SERGEF: variants seen among roughly 807,000 people sequenced by gnomAD.
SERGEF encodes the protein secretion regulating guanine nucleotide exchange factor.
In SERGEF, 51 loss-of-function variants were observed where a neutral mutation model predicts 50.0. The observed-to-expected ratio is 1.02, with a 90% confidence interval of 0.81 to 1.29. The LOEUF (loss-of-function observed/expected upper bound fraction) is 1.29, where lower values mean the gene tolerates loss of function less well. SERGEF is among the 50% of genes most tolerant of loss of function. The pLI is 0.00. For missense variants in SERGEF, 521 were observed against 557.0 expected (o/e 0.94, Z 0.65); for synonymous variants, 205 against 212.4 (o/e 0.97, Z 0.30).
intron 9 of SERGEF, among the ~76,000 whole-genome samples, chr11:17,903,550 G>A (rs1851785452): frequency 1.3e-5 from 2 of 152,214 alleles, no homozygotes; most frequent in African/African-American, 2.4e-5. Context: ...AAAAGCCTGA[G>A]ATGCAAACAA....
intron 10 of SERGEF, chr11:17,846,742 A>G (rs1400058500): frequency 2.2e-6 from 1 of 456,290 alleles, no homozygotes; most frequent in Admixed American, 2.3e-5. Context: ...TGGGATAATA[A>G]TACTTACCTT....
rs1268761967 is a variant in SERGEF, at chr11:18,006,685, T to G, written c.258A>C (p.Thr86=). The G allele has an allele frequency of 1.2e-6, 2 of 1,614,192 alleles. No homozygotes were observed. The highest frequency in any genetic ancestry group is 1.7e-6 in the Non-Finnish European group (2 of 1,180,026). The part of the protein sequence containing the change: ...NKDGQLGLGH[T]EDIPYFTPCK... ...AGGGGGTAAAATATGGGATATCCTC[T>G]GTGTGACCAAGCCCCAGTTGCCCAT... is the stretch of plus-strand genomic sequence containing the variant. The change falls in exon 3 of 11, where the codon ACA becomes ACC. Residue 86 remains threonine, a synonymous_variant. Coordinates refer to ENST00000265965, the MANE Select transcript of SERGEF (RefSeq NM_012139.4).
At chr11:17,826,928 A>G (rs1006330469) in intron 10 of SERGEF, among the ~76,000 whole-genome samples, 2 of 18,308 alleles carry the variant, frequency 1.1e-4, no homozygotes, top group African/African-American at 4.0e-4. Context: ...CCTGCAAGGC[A>G]TTCCTTGCTT....
chr11:17,859,230 T>A (rs1850882000), intron 10 of SERGEF, among the ~76,000 whole-genome samples: 1 of 152,070 alleles, frequency 6.6e-6, no homozygotes, highest in South Asian at 2.1e-4. Flanking sequence ...AACTCTATAA[T>A]TAATATCCAT....
At chr11:17,911,405 A>G (rs1851951362) in intron 9 of SERGEF, among the ~76,000 whole-genome samples, 1 of 148,480 alleles carries the variant, frequency 6.7e-6, no homozygotes, top group Non-Finnish European at 1.5e-5. Context: ...ATATATATAC[A>G]CACACACATA....
chr11:17,811,408 G>A (rs1193936397), intron 10 of SERGEF, among the ~76,000 whole-genome samples: 1 of 152,206 alleles, frequency 6.6e-6, no homozygotes, highest in Non-Finnish European at 1.5e-5. Context: ...TGATAGACTT[G>A]TGATGCAGGT....
Position 17,995,809 on chromosome 11 carries a change from T to C in SERGEF, c.609A>G (p.Pro203=), listed in dbSNP as rs1478631391. 1 of 1,612,202 alleles carries C rather than the reference T, an allele frequency of 6.2e-7. No homozygotes were observed. Among genetic ancestry groups the C allele is most frequent in the African/African-American group, 1.3e-5 (1 of 74,878 alleles). ...TLPLFFTAKE[P]SRVTGLENSK... is the part of the protein sequence containing the mutation. ...GAAGCATCTTACCTGTCACTCTGCT[T>C]GGTTCCTTTGCTGTGAAAAACAATG... Residue 203 remains proline (P), a synonymous_variant, in exon 6 of 11, where the codon CCA becomes CCG. Transcript: ENST00000265965.
At chr11:17,968,274 T>C (rs557715670) in intron 8 of SERGEF, among the ~76,000 whole-genome samples, 2 of 152,128 alleles carry the variant, frequency 1.3e-5, no homozygotes, top group South Asian at 2.1e-4. Context: ...AAAACAAAAC[T>C]AAGGAAAACA....
At chr11:17,994,764 G>T (rs1397198770) in intron 6 of SERGEF, among the ~76,000 whole-genome samples, 1 of 152,042 alleles carries the variant, frequency 6.6e-6, no homozygotes, top group Non-Finnish European at 1.5e-5. Context: ...ATGGGTTTCA[G>T]GGAAGCTAAG....
At position 17,860,300 on chromosome 11, in the gene SERGEF, CATGAT is replaced by C. The variant is rs535496121; in HGVS notation, c.1048+17903_1048+17907del. ...GAAAAGTATAGCATAGGAACCATAT[CATGAT>C]ATATTACTTGGCTTAGCAGTGAGAA... On this transcript the variant is annotated intron_variant, in intron 10 of 10. Transcript: ENST00000265965. 6.5e-4 allele frequency among the ~76,000 whole-genome samples: 99 copies of C among 152,270 alleles called. 2 individuals are homozygous for C. The highest frequency in any genetic ancestry group is 2.2e-3 in the African/African-American group (91 of 41,548).
chr11:17,911,155 C>T (rs1327549280), intron 9 of SERGEF, among the ~76,000 whole-genome samples: 1 of 151,842 alleles, frequency 6.6e-6, no homozygotes, highest in Non-Finnish European at 1.5e-5. Flanking sequence ...ACTTTACCTA[C>T]TCAATCTTCC....
At chr11:18,000,615 G>T in intron 4 of SERGEF, 58 bp from the exon 5 acceptor site, 1 of 1,253,404 alleles carries the variant, frequency 8.0e-7, no homozygotes, top group Admixed American at 2.1e-5. Context: ...AAAATTTTAT[G>T]TAATTTATAC....
chr11:17,934,094 A>T (rs1852404721), intron 9 of SERGEF, among the ~76,000 whole-genome samples: 1 of 152,178 alleles, frequency 6.6e-6, no homozygotes, highest in Admixed American at 6.5e-5. Context: ...AAAAAAAACT[A>T]GAATTTTTTT....
At chr11:17,976,203 G>T (rs1290219955) in intron 8 of SERGEF, among the ~76,000 whole-genome samples, 2 of 152,160 alleles carry the variant, frequency 1.3e-5, no homozygotes, top group Non-Finnish European at 2.9e-5. Flanking sequence ...TTGGGCAAGA[G>T]TTGATTCCTC....
At chr11:17,898,757 C>T (rs1029799726) in intron 9 of SERGEF, among the ~76,000 whole-genome samples, 6 of 152,124 alleles carry the variant, frequency 3.9e-5, no homozygotes, top group Non-Finnish European at 7.4e-5. Flanking sequence ...TATGAGCAAA[C>T]AAAACATTTT....
chr11:17,890,191 C>T (rs544452004), intron 9 of SERGEF, among the ~76,000 whole-genome samples: 6 of 152,212 alleles, frequency 3.9e-5, no homozygotes, highest in African/African-American at 1.4e-4. Flanking sequence ...GGTGGGGAAT[C>T]AACCTGTGCA....
At chr11:17,883,952 G>A (rs1446724993) in intron 9 of SERGEF, among the ~76,000 whole-genome samples, 1 of 152,170 alleles carries the variant, frequency 6.6e-6, no homozygotes, top group Non-Finnish European at 1.5e-5. Flanking sequence ...GGAAATCGGG[G>A]CGCGGAAGAG....
At chr11:17,859,046 C>G (rs1206748536) in intron 10 of SERGEF, among the ~76,000 whole-genome samples, 1 of 152,102 alleles carries the variant, frequency 6.6e-6, no homozygotes, top group African/African-American at 2.4e-5. Context: ...CATAGAGAGG[C>G]CATCCTCCCT....
chr11:17,981,914 C>T (rs1351734189), intron 8 of SERGEF, among the ~76,000 whole-genome samples: 3 of 152,312 alleles, frequency 2.0e-5, no homozygotes, highest in Admixed American at 2.0e-4. Context: ...CATCCTCCTG[C>T]CCCAGCCTCC....
Sources: allele counts gnomAD v4.1 joint callset (sites outside exome capture counted in the v4.1 genomes callset), GRCh38; gene constraint gnomAD v4.1.1; transcripts MANE v1.5; gene names NCBI Gene and HGNC (gene_info 2026-07-23, HGNC 2026-07-21).